Variants in CNTRL observed in about 807,000 individuals in gnomAD.
CNTRL encodes 110 kDa centrosomal protein.
Under a neutral mutation model 303.7 loss-of-function variants are expected in CNTRL, and 233 were observed. The ratio of observed to expected loss-of-function variants is 0.77; its 90% CI spans 0.69 to 0.86. The LOEUF (loss-of-function observed/expected upper bound fraction) is 0.86, where lower values mean the gene tolerates loss of function less well. Among genes scored for constraint, CNTRL ranks in the 40% least tolerant of loss-of-function variants. CNTRL has a pLI of 0.00. For synonymous variants in CNTRL, 900 were observed against 922.2 expected, an observed-to-expected ratio of 0.98 and a Z score of 0.44; for missense variants, 2,524 against 2,650.6, an observed-to-expected ratio of 0.95 and a Z score of 1.05.
chr9:121,126,010 G>GT, intron 14 of CNTRL, 74 bp downstream of exon 14: 1 of 1,244,956 alleles, frequency 8.0e-7, no homozygotes, highest in Non-Finnish European at 1.2e-6. Context: ...GTTGGAGGAG[G>GT]TAACAGTACA....
rs1413166131 is a variant in CNTRL, at chr9:121,075,062, T to A, written c.-210T>A. The stretch of plus-strand genomic sequence containing the variant: ...CTGCGGGACTGCTCGGCTCGGCTTC[T>A]AGGCGGTGAGCGTCAGACCTGGCCG... On this transcript the variant is annotated 5_prime_UTR_variant, in exon 1 of 44. Coordinates refer to ENST00000373855, the MANE Select transcript of CNTRL (RefSeq NM_007018.6). 1 of 418,784 alleles carries A rather than the reference T, an allele frequency of 2.4e-6. No individual in the cohort carries two copies. The highest frequency in any genetic ancestry group is 4.9e-6 in the Non-Finnish European group (1 of 204,772). The allele number at this position is 418,784 out of a possible 1,614,324, so 25.9% of individuals were successfully genotyped here. A position where few individuals can be genotyped will look rare whatever the true frequency, so the allele number is the denominator to read the frequency against.
chr9:121,152,812 A>G (rs2052354262), intron 26 of CNTRL, 119 bp downstream of exon 26: 3 of 759,440 alleles, frequency 4.0e-6, no homozygotes, highest in Admixed American at 5.6e-5. Flanking sequence ...AGTAACCACT[A>G]GCTCAGTGTG....
chr9:121,171,574 C>G (rs2053306877), intron 40 of CNTRL, 26 bp downstream of exon 40: 1 of 1,607,988 alleles, frequency 6.2e-7, no homozygotes, highest in African/African-American at 1.3e-5. Flanking sequence ...GCCCAGCTGG[C>G]CAGCCTGGGG....
rs778294392 is a variant in CNTRL, at chr9:121,169,625, G to A, written c.6085G>A (p.Glu2029Lys). 1.9e-6 allele frequency: 3 copies of A among 1,614,184 alleles called. No homozygotes were observed. The East Asian group carries it at 6.7e-5, about 36-fold the overall frequency. ...GCTCATTTCAGAACGGCAGCTTTCA[G>A]AAAGGGAGCAGCAATTGGTGGAGAA... ...TLSQTKRQLS[E>K]REQQLVEKSG... Residue 2029 changes from glutamate to lysine, a missense_variant, in exon 39 of 44, where the codon GAA (glutamate) becomes AAA (lysine). Glu to Lys is a moderately conservative substitution (Grantham distance 56). Transcript: ENST00000373855.
chr9:121,166,028 A>G (rs1265640362), intron 35 of CNTRL, 79 bp from the exon 36 acceptor site: 3 of 1,075,340 alleles, frequency 2.8e-6, no homozygotes, highest in Non-Finnish European at 4.2e-6. Flanking sequence ...CAACTTCTCT[A>G]CTTTTTGGGA....
intron 2 of CNTRL, among the ~76,000 whole-genome samples, chr9:121,082,625 G>A (rs2048183214): frequency 6.6e-6 from 1 of 152,170 alleles, no homozygotes; most frequent in Non-Finnish European, 1.5e-5. Context: ...GCATGTTACT[G>A]TACTGAATAC....
intron 41 of CNTRL, 59 bp downstream of exon 41, chr9:121,173,568 G>A: frequency 1.2e-6 from 2 of 1,610,302 alleles, no homozygotes; most frequent in Non-Finnish European, 1.7e-6. Context: ...CCCCAGCTAA[G>A]CTAAAACACA....
At chr9:121,158,236 A>T in intron 30 of CNTRL, 127 bp downstream of exon 30, 2 of 1,154,208 alleles carry the variant, frequency 1.7e-6, no homozygotes, top group Non-Finnish European at 1.2e-6. Context: ...TGAAGTCTGA[A>T]CTAAATTTGA....
chr9:121,120,484 T>C (rs1350000643), intron 12 of CNTRL, among the ~76,000 whole-genome samples: 1 of 152,194 alleles, frequency 6.6e-6, no homozygotes, highest in Non-Finnish European at 1.5e-5. Flanking sequence ...CTCCCACCCA[T>C]GTAAGGTCCC....
Position 121,145,401 on chromosome 9 carries a change from T to C in CNTRL, c.3310+16T>C. ...ACTGGAAGTGGTAAAGTATTGGGCT[T>C]TGATTTTTGGCAGTGGTTTTGTAGT... On this transcript the variant is annotated intron_variant, in intron 22 of 43. Transcript: ENST00000373855. 6.3e-7 allele frequency: 1 copy of C among 1,581,728 alleles called. No homozygotes were observed. Among genetic ancestry groups the C allele is most frequent in the Middle Eastern group, 1.7e-4 (1 of 5,894 alleles).
At chr9:121,175,680 C>T (rs2053494933) in intron 43 of CNTRL, among the ~76,000 whole-genome samples, 1 of 152,198 alleles carries the variant, frequency 6.6e-6, no homozygotes, top group Admixed American at 6.5e-5. Flanking sequence ...CCGCCTTCAA[C>T]TCTCTGAAAA....
intron 1 of CNTRL, among the ~76,000 whole-genome samples, chr9:121,075,733 C>G (rs2047896506): frequency 6.6e-6 from 1 of 152,140 alleles, no homozygotes. Context: ...TGGGTGTTCA[C>G]TATTTGTCAG....
chr9:121,141,398 A>G lies in CNTRL; in HGVS notation c.2501A>G (p.Asp834Gly). Residue 834 changes from aspartate (D) to glycine (G), a missense_variant, in exon 18 of 44, where the codon GAT (aspartate) becomes GGT (glycine). By Grantham distance (94) the Asp-to-Gly change is moderately conservative. Coordinates refer to ENST00000373855, the MANE Select transcript of CNTRL (RefSeq NM_007018.6). ...CTTACTAGCATCCATAGTCCTTCAGATGTCTTAGGGAAAAGTCTTGCTGAT... is the reference window on the plus strand; with the variant it reads ...CTTACTAGCATCCATAGTCCTTCAGGTGTCTTAGGGAAAAGTCTTGCTGAT... ...TGEMNIHSPS[D>G]VLGKSLADLQ... is the part of the protein sequence containing the mutation. 1 of 1,613,488 alleles carries G rather than the reference A, an allele frequency of 6.2e-7. No homozygotes were observed. The highest frequency in any genetic ancestry group is 8.5e-7 in the Non-Finnish European group (1 of 1,179,542).
rs1395016402 is a variant in CNTRL, at chr9:121,150,413, C to T, written c.3893C>T (p.Pro1298Leu). ...AGAPMVYGPPPPNFSIPFIPM... is the reference protein window; with the variant it reads ...AGAPMVYGPPLPNFSIPFIPM... The stretch of plus-strand genomic sequence containing the variant: ...GCCCCCATGGTGTATGGGCCTCCAC[C>T]CCCCAACTTCTCCATCCCCTTCATC... The change falls in exon 25 of 44, where the codon CCC becomes CTC. Residue 1298 changes from proline to leucine, a missense_variant. Coordinates refer to ENST00000373855, the MANE Select transcript of CNTRL (RefSeq NM_007018.6). 4 of 1,614,044 alleles carry T rather than the reference C, an allele frequency of 2.5e-6. No individual in the cohort carries two copies. The African/African-American group carries it at 5.3e-5, about 22-fold the overall frequency.
chr9:121,088,614 A>G, intron 3 of CNTRL, 71 bp downstream of exon 3: 3 of 911,160 alleles, frequency 3.3e-6, no homozygotes, highest in Admixed American at 2.3e-5. Context: ...TTCGGCTTGC[A>G]TTTTTGGTCC....
chr9:121,094,354 C>G (rs916718162), intron 4 of CNTRL, among the ~76,000 whole-genome samples: 5 of 152,016 alleles, frequency 3.3e-5, no homozygotes, highest in African/African-American at 7.2e-5. Flanking sequence ...AGCAAGAGAG[C>G]AAAAGATCCT....
intron 7 of CNTRL, among the ~76,000 whole-genome samples, chr9:121,103,201 A>AT (rs1554740899): frequency 6.6e-6 from 1 of 152,216 alleles, no homozygotes; most frequent in Non-Finnish European, 1.5e-5. Context: ...CAAAACAGAG[A>AT]TATAGACCAA....
chr9:121,168,718 G>C (rs2053189769), intron 38 of CNTRL, among the ~76,000 whole-genome samples: 1 of 152,190 alleles, frequency 6.6e-6, no homozygotes, highest in South Asian at 2.1e-4. Context: ...AATGGTACCA[G>C]AATACAGGTG....
At chr9:121,168,036 G>T (rs2053161474) in intron 37 of CNTRL, 60 bp from the exon 38 acceptor site, 2 of 1,414,302 alleles carry the variant, frequency 1.4e-6, no homozygotes, top group South Asian at 1.2e-5. Flanking sequence ...TCATGTCCAT[G>T]CAGGTTCTCT....
Sources: gnomAD v4.1 joint callset for allele counts (sites outside exome capture counted in the v4.1 genomes callset) on GRCh38, gnomAD v4.1.1 for gene constraint, MANE v1.5 for transcripts, NCBI Gene and HGNC (gene_info 2026-07-23, HGNC 2026-07-21) for gene names.